Variants in DDHD1 observed in about 807,000 individuals in gnomAD.
DDHD1 encodes DDHD domain containing 1.
Under a neutral mutation model 96.4 loss-of-function variants are expected in DDHD1, and 49 were observed. The observed-to-expected ratio is 0.51, with a 90% CI of 0.40 to 0.64. The LOEUF (loss-of-function observed/expected upper bound fraction) is 0.64, where lower values mean the gene tolerates loss of function less well. DDHD1 is among the 30% of genes least tolerant of loss of function. The probability of loss-of-function intolerance (pLI) is 0.00; values close to 1 mark genes in which losing one functional copy is unlikely to be tolerated. For synonymous variants in DDHD1, 442 were observed against 446.5 expected (o/e 0.99, Z 0.13); for missense variants, 1,106 against 1,161.2 (o/e 0.95, Z 0.69).
Position 53,054,496 on chromosome 14 carries a change from A to G in DDHD1, c.2379T>C (p.Ala793=). 1 of 1,614,106 alleles carries G rather than the reference A, an allele frequency of 6.2e-7. No homozygotes were observed. Among genetic ancestry groups the G allele is most frequent in the East Asian group, 2.2e-5 (1 of 44,884 alleles). ...GAAGGGTCTGTGTCCCTACGGTGGT[A>G]GCAGAAGGTGAGGCAACTGGCTTCT... ...DEKKPVASPS[A]TTVGTQTLPH... Residue 793 remains alanine (A), a synonymous_variant, in exon 11 of 13, where the codon GCT becomes GCC. Coordinates refer to ENST00000673822, the MANE Select transcript of DDHD1 (RefSeq NM_001160148.2).
chr14:53,114,100 G>A (rs555587815), intron 1 of DDHD1, among the ~76,000 whole-genome samples: 3 of 152,200 alleles, frequency 2.0e-5, no homozygotes, highest in Non-Finnish European at 2.9e-5. Flanking sequence ...TAAGGTGCCT[G>A]GCAGGTCTGG....
At chr14:53,126,650 G>A (rs1032385920) in intron 1 of DDHD1, among the ~76,000 whole-genome samples, 2 of 152,166 alleles carry the variant, frequency 1.3e-5, no homozygotes, top group African/African-American at 2.4e-5. Flanking sequence ...TTATAGGCAT[G>A]AGCCACCCAC....
In DDHD1 at chr14:53,086,108, G is replaced by A. The variant is rs148528304; in HGVS notation, c.1289+5677C>T. Among the ~76,000 whole-genome samples the A allele has an allele frequency of 2.7e-3, 406 of 152,254 alleles. 3 individuals are homozygous for A. Among genetic ancestry groups the A allele is most frequent in the African/African-American group, 9.5e-3 (394 of 41,564 alleles). On this transcript the variant is annotated intron_variant, in intron 4 of 12. Coordinates refer to ENST00000673822, the MANE Select transcript of DDHD1 (RefSeq NM_001160148.2). ...AAAAGAGAAGTTAAGAGAAAAAAGAGTAAAAAGAAACAAACAAAGCCTCCA... is the reference window on the plus strand; with the variant it reads ...AAAAGAGAAGTTAAGAGAAAAAAGAATAAAAAGAAACAAACAAAGCCTCCA...
Position 53,152,360 on chromosome 14 carries a change from C to G in DDHD1, c.739G>C (p.Glu247Gln). ...FCQSTTGHEP[E>Q]MVELVNIEPV... ...TCGATGTTCACAAGCTCCACCATCT[C>G]CGGCTCGTGCCCCGTCGTACTCTGG... Residue 247 changes from glutamate to glutamine, a missense_variant, in exon 1 of 13, where the codon GAG becomes CAG. Glu to Gln is a conservative substitution (Grantham distance 29). This residue lies in a region of DDHD1 where 456 missense variants were observed against 402.4 expected (regional missense o/e 1.13). Transcript: ENST00000673822. 1 of 1,613,884 alleles carries G rather than the reference C, an allele frequency of 6.2e-7. No individual in the cohort carries two copies. The highest frequency in any genetic ancestry group is 2.2e-5 in the East Asian group (1 of 44,866).
chr14:53,103,127 A>G (rs1312666031), intron 2 of DDHD1: 14 of 1,448,926 alleles, frequency 9.7e-6, no homozygotes, highest in Non-Finnish European at 1.3e-5. Context: ...TTAGACACAC[A>G]ATGAAAATGT....
intron 12 of DDHD1, 124 bp from the exon 13 acceptor site, chr14:53,047,073 G>A (rs1882075279): frequency 2.9e-6 from 2 of 679,384 alleles, no homozygotes; most frequent in African/African-American, 3.7e-5. Context: ...TTTTTAAGAA[G>A]TGACTTTCCA....
At chr14:53,075,413 C>G (rs926912870) in intron 4 of DDHD1, among the ~76,000 whole-genome samples, 7 of 152,134 alleles carry the variant, frequency 4.6e-5, no homozygotes, top group Non-Finnish European at 8.8e-5. Flanking sequence ...ATGCCAAAGC[C>G]TAATCCAGAG....
rs1806348828 is a variant in DDHD1, at chr14:53,046,610, TC to T, written c.*157del. The T allele has an allele frequency of 3.2e-5, 14 of 443,674 alleles. No individual in the cohort carries two copies. The East Asian group carries it at 5.0e-4, about 16-fold the overall frequency. 27.5% of individuals were successfully genotyped at this position (443,674 alleles called of 1,614,324 possible). A position where few individuals can be genotyped will look rare whatever the true frequency, so the allele number is the denominator to read the frequency against. On this transcript the variant is annotated 3_prime_UTR_variant, in exon 13 of 13. Coordinates refer to ENST00000673822, the MANE Select transcript of DDHD1 (RefSeq NM_001160148.2). The stretch of plus-strand genomic sequence containing the variant: ...AATGACTTCTTCAGAACTGAAAACT[TC>T]TTTTTTTTTTAAATAAAGTGCTTTT...
At chr14:53,123,133 AT>A (rs2139807635) in intron 1 of DDHD1, among the ~76,000 whole-genome samples, 1 of 140,682 alleles carries the variant, frequency 7.1e-6, no homozygotes, top group African/African-American at 2.5e-5. Flanking sequence ...TATTATTATT[AT>A]TATTATTATT....
chr14:53,095,151 T>C (rs1047297922), intron 2 of DDHD1, among the ~76,000 whole-genome samples: 4 of 152,224 alleles, frequency 2.6e-5, no homozygotes, highest in African/African-American at 9.6e-5. Context: ...TTTTCCTTTA[T>C]AGCTCTGGTA....
chr14:53,069,295 T>C (rs1884314109), intron 6 of DDHD1, among the ~76,000 whole-genome samples: 1 of 152,196 alleles, frequency 6.6e-6, no homozygotes, highest in Admixed American at 6.5e-5. Flanking sequence ...TCTTTGCTTA[T>C]TGGCCACTTT....
chr14:53,107,213 G>A (rs1360754584), intron 1 of DDHD1, among the ~76,000 whole-genome samples: 2 of 152,116 alleles, frequency 1.3e-5, no homozygotes, highest in Admixed American at 6.5e-5. Context: ...CACAATAAGA[G>A]ATTAACAACA....
At chr14:53,123,774 C>T (rs867222647) in intron 1 of DDHD1, among the ~76,000 whole-genome samples, 4 of 151,968 alleles carry the variant, frequency 2.6e-5, no homozygotes, top group Admixed American at 2.6e-4. Flanking sequence ...GATTAAAAAC[C>T]GGAGAATGGA....
rs752532276 is a variant in DDHD1, at chr14:53,054,575, C to T, written c.2300G>A (p.Arg767His). 8.7e-6 allele frequency: 14 copies of T among 1,614,014 alleles called. No individual in the cohort carries two copies. The highest frequency in any genetic ancestry group is 2.2e-5 in the South Asian group (2 of 91,072). Residue 767 changes from arginine (R) to histidine (H), a missense_variant, in exon 11 of 13, where the codon CGT becomes CAT. Physicochemically the swap from Arg to His is conservative, Grantham distance 29. Around this residue, in one of 2 missense-constraint regions of DDHD1, gnomAD observed 650 missense variants for 758.8 expected, o/e 0.86. Transcript: ENST00000673822. ...TTCAGATGACTGTGTTGTAGATGAACGTCCAAATCTTGAGAACAACATTCC... is the reference window on the plus strand; with the variant it reads ...TTCAGATGACTGTGTTGTAGATGAATGTCCAAATCTTGAGAACAACATTCC... Reference protein sequence around the residue: ...LGGMLFSRFGRSSTTQSSETS... With the variant: ...LGGMLFSRFGHSSTTQSSETS...
At chr14:53,129,438 T>C (rs1889700506) in intron 1 of DDHD1, among the ~76,000 whole-genome samples, 1 of 152,240 alleles carries the variant, frequency 6.6e-6, no homozygotes, top group African/African-American at 2.4e-5. Flanking sequence ...ACGCGTTTTA[T>C]CCGTGATCTC....
intron 12 of DDHD1, among the ~76,000 whole-genome samples, chr14:53,047,194 A>C (rs192460511): frequency 1.5e-3 from 212 of 142,840 alleles, no homozygotes; most frequent in Admixed American, 2.1e-3. Flanking sequence ...AAGGAAGACA[A>C]AAAAAAATCA....
At chr14:53,146,940 T>G (rs1215324935) in intron 1 of DDHD1, among the ~76,000 whole-genome samples, 120 of 150,974 alleles carry the variant, frequency 7.9e-4, no homozygotes, top group African/African-American at 1.9e-3. Context: ...AGTTTTTTTT[T>G]TTTTTTTTTT....
chr14:53,063,287 T>C, intron 6 of DDHD1, 82 bp from the exon 7 acceptor site: 1 of 1,441,036 alleles, frequency 6.9e-7, no homozygotes, highest in South Asian at 1.4e-5. Context: ...TACATTAAGG[T>C]AGAAAAACAT....
At chr14:53,127,693 A>G (rs915442) in intron 1 of DDHD1, among the ~76,000 whole-genome samples, 116,559 of 152,170 alleles carry the variant, frequency 0.77, 46,164 homozygotes, top group East Asian at 0.96. Flanking sequence ...GAATCAAAAA[A>G]CAAATACATA....
Sources: gnomAD v4.1 joint callset for allele counts (sites outside exome capture counted in the v4.1 genomes callset) on GRCh38, gnomAD v4.1.1 for gene constraint, gnomAD v4.1.1 regional missense constraint, MANE v1.5 for transcripts, NCBI Gene and HGNC (gene_info 2026-07-23, HGNC 2026-07-21) for gene names.